Variants in ANKS1B observed in about 807,000 individuals in gnomAD.
ANKS1B encodes ankyrin repeat and sterile alpha motif domain-containing protein 1B.
A neutral mutation model predicts 148.3 loss-of-function variants in ANKS1B; 36 were observed. That is an observed-to-expected ratio of 0.24 (90% CI 0.19 to 0.32). The LOEUF (loss-of-function observed/expected upper bound fraction) is 0.32, where lower values mean the gene tolerates loss of function less well. Among genes scored for constraint, ANKS1B ranks in the 10% least tolerant of loss-of-function variants. The pLI is 1.00. For missense variants in ANKS1B, 1,157 were observed against 1,542.6 expected (o/e 0.75, Z 4.19); for synonymous variants, 542 against 560.8 (o/e 0.97, Z 0.47).
chr12:99,909,985 T>C (rs1346083332), intron 1 of ANKS1B, among the ~76,000 whole-genome samples: 1 of 152,214 alleles, frequency 6.6e-6, no homozygotes, highest in African/African-American at 2.4e-5. Flanking sequence ...CTGAATTTGT[T>C]CATATTCCAT....
At chr12:98,910,787 G>A (rs763198008) in intron 17 of ANKS1B, among the ~76,000 whole-genome samples, 15 of 152,288 alleles carry the variant, frequency 9.8e-5, no homozygotes, top group Non-Finnish European at 1.9e-4. Context: ...GCATTCTATA[G>A]TCAATTGGTT....
intron 12 of ANKS1B, among the ~76,000 whole-genome samples, chr12:99,385,554 C>T (rs748281773): frequency 6.6e-6 from 1 of 152,170 alleles, no homozygotes; most frequent in African/African-American, 2.4e-5. Flanking sequence ...GGAAATGATT[C>T]AGGTTCACTT....
intron 15 of ANKS1B, among the ~76,000 whole-genome samples, chr12:99,118,018 G>A (rs950159471): frequency 6.6e-6 from 1 of 152,148 alleles, no homozygotes. Context: ...ATGGTAGCTT[G>A]TATTTCTGTG....
At chr12:98,836,958 T>C (rs565225125) in intron 17 of ANKS1B, among the ~76,000 whole-genome samples, 1 of 152,236 alleles carries the variant, frequency 6.6e-6, no homozygotes, top group East Asian at 1.9e-4. Flanking sequence ...ATAACTACAT[T>C]ATCACACCAT....
At chr12:99,531,224 T>C (rs2096986724) in intron 9 of ANKS1B, among the ~76,000 whole-genome samples, 1 of 152,254 alleles carries the variant, frequency 6.6e-6, no homozygotes, top group Admixed American at 6.5e-5. Context: ...TTTTCAGGAC[T>C]GCATTTATAA....
intron 12 of ANKS1B, among the ~76,000 whole-genome samples, chr12:99,356,120 T>A (rs565490592): frequency 6.6e-6 from 1 of 152,066 alleles, no homozygotes; most frequent in East Asian, 1.9e-4. Context: ...ATAACAGATA[T>A]AAGGAACAGC....
chr12:99,428,956 C>T (rs2095313919), intron 11 of ANKS1B, among the ~76,000 whole-genome samples: 1 of 152,074 alleles, frequency 6.6e-6, no homozygotes. Context: ...TTTGGCAAAA[C>T]TCTAAATAAT....
At chr12:98,772,044 G>A (rs903862861) in intron 25 of ANKS1B, among the ~76,000 whole-genome samples, 1 of 152,180 alleles carries the variant, frequency 6.6e-6, no homozygotes, top group Admixed American at 6.5e-5. Flanking sequence ...TAGTAAATGA[G>A]TAATGGCAGT....
chr12:99,923,627 C>T (rs1224209982), intron 1 of ANKS1B, among the ~76,000 whole-genome samples: 7 of 152,072 alleles, frequency 4.6e-5, no homozygotes, highest in Admixed American at 4.6e-4. Flanking sequence ...AGAGGGTCTT[C>T]GATGAGAAAA....
At chr12:99,129,005 C>T (rs2065263305) in intron 15 of ANKS1B, among the ~76,000 whole-genome samples, 1 of 152,062 alleles carries the variant, frequency 6.6e-6, no homozygotes. Context: ...GGGGCCGTTT[C>T]AGGGCCAGGA....
intron 10 of ANKS1B, among the ~76,000 whole-genome samples, chr12:99,504,053 T>C (rs1013924224): frequency 6.6e-6 from 1 of 152,072 alleles, no homozygotes; most frequent in African/African-American, 2.4e-5. Flanking sequence ...AACAAAATAA[T>C]GAATCTGATA....
At chr12:98,757,602 C>T (rs944555009) in intron 25 of ANKS1B, among the ~76,000 whole-genome samples, 1 of 152,158 alleles carries the variant, frequency 6.6e-6, no homozygotes, top group Non-Finnish European at 1.5e-5. Context: ...TCACAGTGAG[C>T]ACTAAGGTGT....
intron 1 of ANKS1B, among the ~76,000 whole-genome samples, chr12:99,982,060 A>G (rs2095710249): frequency 6.6e-6 from 1 of 152,120 alleles, no homozygotes. Flanking sequence ...TTCAGACACT[A>G]TTCAGTATAA....
intron 10 of ANKS1B, among the ~76,000 whole-genome samples, chr12:99,468,586 T>G (rs979451483): frequency 2.6e-5 from 4 of 152,024 alleles, no homozygotes; most frequent in Non-Finnish European, 5.9e-5. Flanking sequence ...CTCAAACAAA[T>G]TTACAAGAAC....
At chr12:99,163,467 C>CTGTGTGTGTGTGTGTGTG (rs146637164) in intron 14 of ANKS1B, among the ~76,000 whole-genome samples, 2 of 135,004 alleles carry the variant, frequency 1.5e-5, no homozygotes, top group African/African-American at 5.5e-5. Context: ...TACATGCACT[C>CTGTGTGTGTGTGTGTGTG]TGTGTGTGTG....
At chr12:99,285,233 C>T (rs2078973132) in intron 12 of ANKS1B, among the ~76,000 whole-genome samples, 1 of 152,048 alleles carries the variant, frequency 6.6e-6, no homozygotes, top group African/African-American at 2.4e-5. Flanking sequence ...ACTTTTTTGT[C>T]TAGCTGCCTT....
chr12:99,063,598 A>G (rs75344139), intron 16 of ANKS1B, among the ~76,000 whole-genome samples: 2,415 of 152,286 alleles, frequency 0.016, 38 homozygotes, highest in African/African-American at 0.037. Flanking sequence ...CTTTGCTGGG[A>G]GGGACGTCTC....
chr12:99,395,065 C>G (rs984823719), intron 12 of ANKS1B, among the ~76,000 whole-genome samples: 4 of 152,120 alleles, frequency 2.6e-5, no homozygotes, highest in Non-Finnish European at 5.9e-5. Context: ...TCCATTGGAT[C>G]TGCCTTAAAA....
At chr12:99,117,136 T>C (rs2061606562) in intron 15 of ANKS1B, among the ~76,000 whole-genome samples, 5 of 152,234 alleles carry the variant, frequency 3.3e-5, no homozygotes, top group African/African-American at 9.6e-5. Flanking sequence ...TATAATCATG[T>C]CATCTGCAAA....
Sources: allele counts gnomAD v4.1 joint callset (sites outside exome capture counted in the v4.1 genomes callset), GRCh38; gene constraint gnomAD v4.1.1; transcripts MANE v1.5; gene names NCBI Gene and HGNC (gene_info 2026-07-23, HGNC 2026-07-21).